Variants in BAALC observed in about 807,000 individuals in gnomAD.
BAALC encodes the protein BAALC binder of MAP3K1 and KLF4, also known as brain and acute leukemia cytoplasmic protein.
A neutral mutation model predicts 15.5 loss-of-function variants in BAALC; 9 were observed. The ratio of observed to expected loss-of-function variants is 0.58; its 90% CI spans 0.35 to 1.02. The LOEUF (loss-of-function observed/expected upper bound fraction) is 1.02. BAALC is among the 50% of genes least tolerant of loss of function. The pLI is 0.02. For synonymous variants in BAALC, 80 were observed against 74.6 expected (o/e 1.07, Z -0.37); for missense variants, 201 against 192.4 (o/e 1.04, Z -0.27).
chr8:103,201,074 G>A (rs760047489), intron 1 of BAALC, among the ~76,000 whole-genome samples: 48 of 152,096 alleles, frequency 3.2e-4, no homozygotes, highest in African/African-American at 3.4e-4. Context: ...TCTCCAGGGC[G>A]TTTTAAAATC....
At chr8:103,207,222 T>A (rs1812350349) in intron 1 of BAALC, among the ~76,000 whole-genome samples, 1 of 152,194 alleles carries the variant, frequency 6.6e-6, no homozygotes, top group Admixed American at 6.5e-5. Context: ...TTCTTAGCTG[T>A]GATTAATTCT....
intron 2 of BAALC, among the ~76,000 whole-genome samples, chr8:103,218,235 G>A (rs1363214635): frequency 6.6e-6 from 1 of 151,948 alleles, no homozygotes; most frequent in Admixed American, 6.6e-5. Flanking sequence ...GGTGTTAATA[G>A]GTGTTAACTG....
chr8:103,229,375 T>A lies in BAALC; in HGVS notation c.*1276T>A, dbSNP rs1016015301. The stretch of plus-strand genomic sequence containing the variant: ...ATAGGCAGCCTATTGGTGTTATGTT[T>A]ATGTAACATAGTCCAGAGAACTGAC... On this transcript the variant is annotated 3_prime_UTR_variant, in exon 3 of 3. Coordinates refer to ENST00000309982, the MANE Select transcript of BAALC (RefSeq NM_024812.3). 1 of 152,244 alleles carries A rather than the reference T, an allele frequency of 6.6e-6. No homozygotes were observed. Among genetic ancestry groups the A allele is most frequent in the African/African-American group, 2.4e-5 (1 of 41,460 alleles). The allele number at this position is 152,244 out of a possible 1,614,324, so 9.4% of individuals were successfully genotyped here. A position where few individuals can be genotyped will look rare whatever the true frequency, so the allele number is the denominator to read the frequency against.
chr8:103,146,965 T>A (rs901312093), intron 1 of BAALC, among the ~76,000 whole-genome samples: 1 of 152,198 alleles, frequency 6.6e-6, no homozygotes, highest in African/African-American at 2.4e-5. Context: ...CAGGGCTTGG[T>A]CATTCCTCTG....
At chr8:103,203,628 T>G (rs1812268735) in intron 1 of BAALC, among the ~76,000 whole-genome samples, 1 of 152,190 alleles carries the variant, frequency 6.6e-6, no homozygotes, top group Non-Finnish European at 1.5e-5. Context: ...ACTACTTTTC[T>G]ATCTATAGAA....
chr8:103,155,647 C>T (rs867721492), intron 1 of BAALC, among the ~76,000 whole-genome samples: 5 of 152,180 alleles, frequency 3.3e-5, no homozygotes, highest in Admixed American at 2.0e-4. Flanking sequence ...CTGGTGCTGC[C>T]GTCCCATAGG....
intron 1 of BAALC, among the ~76,000 whole-genome samples, chr8:103,156,568 G>C (rs1245692745): frequency 2.0e-5 from 3 of 152,206 alleles, no homozygotes; most frequent in Non-Finnish European, 4.4e-5. Flanking sequence ...CATGGCCTGA[G>C]TTGTTTTCTC....
At chr8:103,167,934 A>AT (rs1811386153) in intron 1 of BAALC, among the ~76,000 whole-genome samples, 1 of 152,222 alleles carries the variant, frequency 6.6e-6, no homozygotes, top group African/African-American at 2.4e-5. Flanking sequence ...AATATCTCAG[A>AT]TAAGTCTTAG....
At chr8:103,145,994 G>C (rs1243707419) in intron 1 of BAALC, among the ~76,000 whole-genome samples, 2 of 152,130 alleles carry the variant, frequency 1.3e-5, no homozygotes, top group Non-Finnish European at 2.9e-5. Context: ...TCTCTGTGTT[G>C]ACAGAATAAG....
chr8:103,178,086 T>C (rs1393381741), intron 1 of BAALC, among the ~76,000 whole-genome samples: 3 of 152,206 alleles, frequency 2.0e-5, no homozygotes, highest in Non-Finnish European at 2.9e-5. Flanking sequence ...TGCTACTTAA[T>C]AGGTAGTTTC....
intron 1 of BAALC, among the ~76,000 whole-genome samples, chr8:103,160,321 G>A (rs1811195623): frequency 6.6e-6 from 1 of 152,134 alleles, no homozygotes; most frequent in Non-Finnish European, 1.5e-5. Flanking sequence ...GTTACTTTGG[G>A]TATGCCCTAT....
chr8:103,207,338 G>A (rs971793034), intron 1 of BAALC, among the ~76,000 whole-genome samples: 5 of 152,174 alleles, frequency 3.3e-5, no homozygotes, highest in African/African-American at 1.2e-4. Context: ...TCTCAAAGAA[G>A]TGGCTTGGAA....
intron 2 of BAALC, 99 bp downstream of exon 2, chr8:103,213,184 G>A (rs1280530717): frequency 7.6e-7 from 1 of 1,308,246 alleles, no homozygotes; most frequent in African/African-American, 1.5e-5. Flanking sequence ...GGAGGGACCA[G>A]GGATGGCTCA....
intron 1 of BAALC, among the ~76,000 whole-genome samples, chr8:103,150,019 GA>G (rs1404614260): frequency 3.9e-5 from 6 of 152,180 alleles, no homozygotes; most frequent in African/African-American, 1.4e-4. Flanking sequence ...TTATAAGGAA[GA>G]AGAGGTTTAA....
intron 1 of BAALC, among the ~76,000 whole-genome samples, chr8:103,146,520 G>A (rs893058995): frequency 6.6e-6 from 1 of 152,198 alleles, no homozygotes; most frequent in Admixed American, 6.5e-5. Flanking sequence ...GGTTAGATAA[G>A]GTTTCATTTC....
At chr8:103,192,855 G>A (rs1475767010) in intron 1 of BAALC, among the ~76,000 whole-genome samples, 1 of 152,102 alleles carries the variant, frequency 6.6e-6, no homozygotes, top group Non-Finnish European at 1.5e-5. Context: ...GCTTCTCTGT[G>A]GCCCATTCTG....
chr8:103,141,188 AG>A, intron 1 of BAALC, 131 bp downstream of exon 1: 1 of 1,076,290 alleles, frequency 9.3e-7, no homozygotes, highest in Non-Finnish European at 1.2e-6. Flanking sequence ...AAGCAGAGGC[AG>A]GACCTGCCCA....
intron 1 of BAALC, chr8:103,154,566 T>A (rs79933384): frequency 0.012 from 1,874 of 154,378 alleles, 20 homozygotes; most frequent in Non-Finnish European, 0.019. Context: ...TACAAATGTC[T>A]TAGTATGGAA....
At chr8:103,182,293 T>G (rs1335889171) in intron 1 of BAALC, among the ~76,000 whole-genome samples, 1 of 152,256 alleles carries the variant, frequency 6.6e-6, no homozygotes, top group Non-Finnish European at 1.5e-5. Flanking sequence ...TTTGAACATT[T>G]ACTCCCCTTT....
Sources: gnomAD v4.1 joint callset for allele counts (sites outside exome capture counted in the v4.1 genomes callset) on GRCh38, gnomAD v4.1.1 for gene constraint, MANE v1.5 for transcripts, NCBI Gene and HGNC (gene_info 2026-07-23, HGNC 2026-07-21) for gene names.